Variants in LARGE1 observed in about 807,000 individuals in gnomAD.
LARGE1 encodes the protein xylosyl- and glucuronyltransferase LARGE1.
LARGE1 carries 43 observed loss-of-function variants against 87.6 expected under a neutral mutation model. That is an observed-to-expected ratio of 0.49 (90% CI 0.38 to 0.63). The LOEUF (loss-of-function observed/expected upper bound fraction) is 0.63, where lower values mean the gene tolerates loss of function less well. Among genes scored for constraint, LARGE1 ranks in the 30% least tolerant of loss-of-function variants. The pLI is 0.00. For missense variants in LARGE1, 802 were observed against 1,000.2 expected, an observed-to-expected ratio of 0.80 and a Z score of 2.67; for synonymous variants, 434 against 394.6, an observed-to-expected ratio of 1.10 and a Z score of -1.18.
At chr22:33,485,643 G>A (rs1036979176) in intron 6 of LARGE1, among the ~76,000 whole-genome samples, 4 of 152,258 alleles carry the variant, frequency 2.6e-5, no homozygotes, top group South Asian at 2.1e-4. Flanking sequence ...TCACTTAGAC[G>A]TTGTTTTTTA....
chr22:33,128,611 G>T, the LARGE1 span, among the ~76,000 whole-genome samples: 1 of 150,700 alleles, frequency 6.6e-6, no homozygotes, highest in South Asian at 2.1e-4. Flanking sequence ...GAAGTGGAGG[G>T]TGCAGTGAGC....
intron 9 of LARGE1, among the ~76,000 whole-genome samples, chr22:33,369,022 G>A (rs750599521): frequency 5.0e-4 from 76 of 152,110 alleles, no homozygotes; most frequent in Non-Finnish European, 7.2e-4. Context: ...TTAAAATAAG[G>A]TAACAATGAA....
At chr22:33,716,132 A>G (rs1462704340) in intron 2 of LARGE1, among the ~76,000 whole-genome samples, 1 of 152,220 alleles carries the variant, frequency 6.6e-6, no homozygotes, top group African/African-American at 2.4e-5. Flanking sequence ...ATAAGCCTTC[A>G]AATCTGTTCC....
At chr22:33,693,853 A>AG (rs987583935) in intron 2 of LARGE1, among the ~76,000 whole-genome samples, 3 of 151,912 alleles carry the variant, frequency 2.0e-5, no homozygotes, top group Admixed American at 6.6e-5. Flanking sequence ...AAAGAGAGAG[A>AG]AAAAAGAAAA....
intron 1 of LARGE1, among the ~76,000 whole-genome samples, chr22:33,804,987 TC>T (rs1264827468): frequency 3.3e-5 from 5 of 152,276 alleles, no homozygotes; most frequent in African/African-American, 7.2e-5. Context: ...AAAGCACCAC[TC>T]ATTCAATAAG....
chr22:33,556,509 A>AGGAG (rs1569266545), intron 6 of LARGE1, among the ~76,000 whole-genome samples: 20 of 116,732 alleles, frequency 1.7e-4, no homozygotes, highest in South Asian at 6.9e-4. Context: ...CAAGGAAAGA[A>AGGAG]GGAAGGAAGG....
intron 6 of LARGE1, among the ~76,000 whole-genome samples, chr22:33,442,281 A>T (rs1235621021): frequency 6.6e-6 from 1 of 152,194 alleles, no homozygotes; most frequent in Non-Finnish European, 1.5e-5. Flanking sequence ...CTGCACCAGG[A>T]TCTGTGCTAA....
intron 11 of LARGE1, among the ~76,000 whole-genome samples, chr22:33,170,474 C>G (rs554336317): frequency 6.6e-6 from 1 of 152,010 alleles, no homozygotes. Flanking sequence ...AATTGTAATC[C>G]CCATGTGTCG....
chr22:33,206,974 C>T (rs570389448), intron 11 of LARGE1, among the ~76,000 whole-genome samples: 41 of 152,276 alleles, frequency 2.7e-4, no homozygotes, highest in Non-Finnish European at 3.7e-4. Context: ...TTCCCCTCTC[C>T]GGTGCAGAAC....
At chr22:33,587,463 C>G (rs1354004843) in intron 5 of LARGE1, among the ~76,000 whole-genome samples, 1 of 152,050 alleles carries the variant, frequency 6.6e-6, no homozygotes, top group Non-Finnish European at 1.5e-5. Flanking sequence ...TATATAAAAT[C>G]TTATTTTCTT....
intron 10 of LARGE1, among the ~76,000 whole-genome samples, chr22:33,317,855 G>A (rs982182328): frequency 2.6e-5 from 4 of 152,164 alleles, no homozygotes; most frequent in African/African-American, 7.2e-5. Context: ...AGAGGGCTGG[G>A]AGTGACAGAA....
At chr22:33,129,810 C>A in the LARGE1 span, among the ~76,000 whole-genome samples, 1 of 152,084 alleles carries the variant, frequency 6.6e-6, no homozygotes, top group Non-Finnish European at 1.5e-5. Context: ...TCATGAGACT[C>A]GCTATCACGA....
intron 6 of LARGE1, among the ~76,000 whole-genome samples, chr22:33,442,734 G>A (rs2067523455): frequency 6.6e-6 from 1 of 151,202 alleles, no homozygotes; most frequent in Non-Finnish European, 1.5e-5. Context: ...AGCAGAGTCA[G>A]TTTTTCTCAG....
chr22:33,177,299 TATA>T (rs1922928198), intron 11 of LARGE1, among the ~76,000 whole-genome samples: 1 of 152,158 alleles, frequency 6.6e-6, no homozygotes, highest in Non-Finnish European at 1.5e-5. Context: ...GAACTTAAAA[TATA>T]ATAATAAAAA....
intron 11 of LARGE1, among the ~76,000 whole-genome samples, chr22:33,177,334 T>C (rs1046154670): frequency 6.6e-6 from 1 of 152,174 alleles, no homozygotes; most frequent in East Asian, 1.9e-4. Context: ...TGAAGAAAGA[T>C]TATAGTGCCT....
chr22:33,177,661 G>A (rs1217258568), intron 11 of LARGE1, among the ~76,000 whole-genome samples: 1 of 152,198 alleles, frequency 6.6e-6, no homozygotes, highest in Admixed American at 6.5e-5. Flanking sequence ...TTTGAGTTGA[G>A]TCTTAACAGA....
intron 1 of LARGE1, among the ~76,000 whole-genome samples, chr22:33,835,002 T>C (rs903601928): frequency 2.3e-5 from 2 of 88,444 alleles, no homozygotes; most frequent in Non-Finnish European, 4.3e-5. Flanking sequence ...GCTCTAAAGT[T>C]TGAGGCCAAA....
At chr22:33,222,419 GC>G (rs917228588) in intron 11 of LARGE1, among the ~76,000 whole-genome samples, 12 of 152,110 alleles carry the variant, frequency 7.9e-5, no homozygotes, top group South Asian at 6.2e-4. Flanking sequence ...GTTGAATGGT[GC>G]CCCCCCACAA....
chr22:33,768,702 G>A (rs970252913), intron 1 of LARGE1, among the ~76,000 whole-genome samples: 68 of 152,158 alleles, frequency 4.5e-4, no homozygotes, highest in African/African-American at 1.6e-3. Context: ...ACCCCTTCTG[G>A]GCAAAGGATC....
Sources: gnomAD v4.1 joint callset for allele counts (sites outside exome capture counted in the v4.1 genomes callset) on GRCh38, gnomAD v4.1.1 for gene constraint, MANE v1.5 for transcripts, NCBI Gene and HGNC (gene_info 2026-07-23, HGNC 2026-07-21) for gene names.